Variants in KRT27 observed in about 807,000 individuals in gnomAD.
The protein encoded by KRT27 is keratin, type I cytoskeletal 27.
KRT27 carries 30 observed loss-of-function variants against 45.3 expected under a neutral mutation model. The ratio of observed to expected loss-of-function variants is 0.66; its 90% CI spans 0.50 to 0.90. The LOEUF (loss-of-function observed/expected upper bound fraction) is 0.90. Among genes scored for constraint, KRT27 ranks in the 40% least tolerant of loss-of-function variants. KRT27 has a pLI of 0.00. For missense variants in KRT27, 610 were observed against 564.3 expected, an observed-to-expected ratio of 1.08 and a Z score of -0.82; for synonymous variants, 204 against 223.9, an observed-to-expected ratio of 0.91 and a Z score of 0.79.
intron 2 of KRT27, among the ~76,000 whole-genome samples, 200 bp downstream of exon 2, chr17:40,780,988 C>T (rs929496747): frequency 6.6e-6 from 1 of 152,178 alleles, no homozygotes; most frequent in African/African-American, 2.4e-5. Context: ...GACTTTGACA[C>T]TCGTTTTTGT....
intron 5 of KRT27, among the ~76,000 whole-genome samples, chr17:40,778,499 C>G (rs2038283116): frequency 6.6e-6 from 1 of 152,208 alleles, no homozygotes; most frequent in Non-Finnish European, 1.5e-5. Context: ...CCTTCATACC[C>G]AACTGTGGGA....
chr17:40,776,939 G>A lies in KRT27; in HGVS notation c.*60C>T. The A allele has an allele frequency of 6.7e-7, 1 of 1,496,966 alleles. No homozygotes were observed. Among genetic ancestry groups the A allele is most frequent in the Non-Finnish European group, 9.1e-7 (1 of 1,102,000 alleles). The allele number at this position is 1,496,966 out of a possible 1,614,324, so 92.7% of individuals were successfully genotyped here. ...AGAAAAATAAGGGGACCCTTATTTA[G>A]GAAACTAGCTTCATTTTGGTATTTT... On this transcript the variant is annotated 3_prime_UTR_variant, in exon 8 of 8. Coordinates refer to ENST00000301656, the MANE Select transcript of KRT27 (RefSeq NM_181537.4).
chr17:40,777,044 T>A lies in KRT27; in HGVS notation c.1335A>T (p.Lys445Asn). 1 of 1,613,710 alleles carries A rather than the reference T, an allele frequency of 6.2e-7. No individual in the cohort carries two copies. Among genetic ancestry groups the A allele is most frequent in the South Asian group, 1.1e-5 (1 of 91,056 alleles). ...CATTCTTGTTGTTGACTTTGGTGGATTTCTCTTCCACAGTGTGAACTCTGG... is the reference window on the plus strand; with the variant it reads ...CATTCTTGTTGTTGACTTTGGTGGAATTCTCTTCCACAGTGTGAACTCTGG... ...LSSRVHTVEE[K>N]STKVNNKNEQ... The change falls in exon 8 of 8, where the codon AAA becomes AAT. Residue 445 changes from lysine (K) to asparagine (N), a missense_variant. Transcript: ENST00000301656.
In KRT27 at chr17:40,779,598, G is replaced by C; in HGVS notation, c.876C>G (p.Asp292Glu). The change falls in exon 5 of 8, where the codon GAC (aspartate) becomes GAG (glutamate). Residue 292 changes from aspartate (D) to glutamate (E), a missense_variant. Asp to Glu is a conservative substitution (Grantham distance 45). Transcript: ENST00000301656. Reference protein sequence around the residue: ...KSASLQQQISDDAGATTSARN... With the variant: ...KSASLQQQISEDAGATTSARN... Reference sequence around the variant, plus strand: ...GGGCTGAGGTGGTGGCGCCAGCGTCGTCAGAGATCTGCTGCTGCAGCGAGG... The same window carrying C: ...GGGCTGAGGTGGTGGCGCCAGCGTCCTCAGAGATCTGCTGCTGCAGCGAGG... 1 of 1,614,220 alleles carries C rather than the reference G, an allele frequency of 6.2e-7. No individual in the cohort carries two copies. Among genetic ancestry groups the C allele is most frequent in the African/African-American group, 1.3e-5 (1 of 75,072 alleles).
Position 40,777,652 on chromosome 17 carries a change from C to A in KRT27, c.1053G>T (p.Gly351=). 6.2e-7 allele frequency: 1 copy of A among 1,614,010 alleles called. No homozygotes were observed. Among genetic ancestry groups the A allele is most frequent in the East Asian group, 2.2e-5 (1 of 44,868 alleles). Residue 351 remains glycine (G), a synonymous_variant, in exon 6 of 8, where the codon GGG becomes GGT. Transcript: ENST00000301656. ...CCTGGTGCAGCTGCTCCTCCAGGGC[C>A]CCGATCTGAGCCTGGATCTGTGCCA... ...AQLAQIQAQI[G]ALEEQLHQVR... is the part of the protein sequence containing the mutation.
In KRT27 at chr17:40,779,686, A is replaced by C. The variant is rs1298545279; in HGVS notation, c.846+14T>G. ...GCTGAGTCCGCGCCCGGGCGCACCC[A>C]AGCGTGGTTTTACCTTTTCGTTGAA... On this transcript the variant is annotated intron_variant, in intron 4 of 7. Transcript: ENST00000301656. 6.2e-7 allele frequency: 1 copy of C among 1,613,460 alleles called. No individual in the cohort carries two copies. The highest frequency in any genetic ancestry group is 8.5e-7 in the Non-Finnish European group (1 of 1,179,746).
Position 40,780,286 on chromosome 17 carries a change from G to A in KRT27, c.684+14C>T. On this transcript the variant is annotated intron_variant, in intron 3 of 7. Coordinates refer to ENST00000301656, the MANE Select transcript of KRT27 (RefSeq NM_181537.4). ...GGGAGGCGATTGTGAGAGCCAGCCGGGTGGAGCTTCTACCTCCTCATGATT... is the reference window on the plus strand; with the variant it reads ...GGGAGGCGATTGTGAGAGCCAGCCGAGTGGAGCTTCTACCTCCTCATGATT... The A allele has an allele frequency of 2.5e-6, 4 of 1,586,790 alleles. No homozygotes were observed. The highest frequency in any genetic ancestry group is 3.4e-6 in the Non-Finnish European group (4 of 1,166,366).
In KRT27 at chr17:40,779,830, C is replaced by A; in HGVS notation, c.716G>T (p.Gly239Val). ...EMKALQCAAGGNVNVEMNAAP... is the reference protein window; with the variant it reads ...EMKALQCAAGVNVNVEMNAAP... ...CGCGTTCATCTCCACGTTCACGTTGCCTCCAGCCGCGCACTGAAGAGCTTT... is the reference window on the plus strand; with the variant it reads ...CGCGTTCATCTCCACGTTCACGTTGACTCCAGCCGCGCACTGAAGAGCTTT... The change falls in exon 4 of 8, where the codon GGC (glycine) becomes GTC (valine). Residue 239 changes from glycine to valine, a missense_variant. Transcript: ENST00000301656. The A allele has an allele frequency of 6.2e-7, 1 of 1,613,504 alleles. No individual in the cohort carries two copies. The highest frequency in any genetic ancestry group is 8.5e-7 in the Non-Finnish European group (1 of 1,179,806).
chr17:40,780,003 GCGAT>G (rs760476932), intron 3 of KRT27, 142 bp from the exon 4 acceptor site: 1 of 1,043,958 alleles, frequency 9.6e-7, no homozygotes, highest in Non-Finnish European at 1.3e-6. Context: ...CTGGCCTCAA[GCGAT>G]CCTCCATTCT....
chr17:40,782,016 G>GGAGTGCTAACACTCACGCCATGGCGT, intron 1 of KRT27, 34 bp downstream of exon 1: 3 of 1,560,154 alleles, frequency 1.9e-6, no homozygotes, highest in Non-Finnish European at 8.7e-7. Context: ...AACACTCTCA[G>GGAGTGCTAACACTCACGCCATGGCGT]GAGTGCTAAC....
chr17:40,777,006 G>A lies in KRT27; in HGVS notation c.1373C>T (p.Ser458Phe). The change falls in exon 8 of 8, where the codon TCT becomes TTT. Residue 458 changes from serine to phenylalanine, a missense_variant. By Grantham distance (155) the Ser-to-Phe change is radical (BLOSUM62 -2). Transcript: ENST00000301656. Reference sequence around the variant, plus strand: ...TGTCTCAGAGGCTGGAGTTCAGGAAGACACCCTCTGTTCATTCTTGTTGTT... The same window carrying A: ...TGTCTCAGAGGCTGGAGTTCAGGAAAACACCCTCTGTTCATTCTTGTTGTT... The part of the protein sequence containing the change: ...KVNNKNEQRV[S>F]S 1.2e-6 allele frequency: 2 copies of A among 1,608,880 alleles called. No homozygotes were observed. Among genetic ancestry groups the A allele is most frequent in the East Asian group, 2.2e-5 (1 of 44,718 alleles).
chr17:40,779,938 G>C, intron 3 of KRT27, 77 bp from the exon 4 acceptor site: 1 of 1,471,384 alleles, frequency 6.8e-7, no homozygotes, highest in Non-Finnish European at 9.1e-7. Flanking sequence ...GTCTCGCTCT[G>C]ATGCCTAGGC....
chr17:40,781,520 C>T (rs1443292012), intron 1 of KRT27, among the ~76,000 whole-genome samples: 1 of 152,208 alleles, frequency 6.6e-6, no homozygotes, highest in East Asian at 1.9e-4. Flanking sequence ...ACCTCCACCT[C>T]CCAGATTCAA....
chr17:40,782,217 C>T lies in KRT27; in HGVS notation c.277G>A (p.Asp93Asn), dbSNP rs762368035. ...TTCTCCAGGTAGGAGGCCAAGCGGT[C>T]GTTGAGGTTCTGCATGGTCACCTTC... ...NEKVTMQNLN[D>N]RLASYLENVR... Residue 93 changes from aspartate (D) to asparagine (N), a missense_variant, in exon 1 of 8, where the codon GAC becomes AAC. Transcript: ENST00000301656. The T allele has an allele frequency of 3.4e-5, 55 of 1,614,090 alleles. 1 individual carries two copies. The highest frequency in any genetic ancestry group is 3.3e-4 in the Middle Eastern group (2 of 6,084).
In KRT27 at chr17:40,782,352, C is replaced by T. The variant is rs1190199387; in HGVS notation, c.142G>A (p.Ala48Thr). The T allele has an allele frequency of 6.2e-7, 1 of 1,614,048 alleles. No individual in the cohort carries two copies. The highest frequency in any genetic ancestry group is 8.5e-7 in the Non-Finnish European group (1 of 1,180,032). ...VPGIGSGFSC[A>T]FGGSSSAGGY... ...CCTGCAGATGAGCTGCCCCCAAAAG[C>T]ACAAGAGAAGCCACTTCCAATGCCT... is the stretch of plus-strand genomic sequence containing the variant. Residue 48 changes from alanine to threonine, a missense_variant, in exon 1 of 8, where the codon GCT becomes ACT. By Grantham distance (58) the Ala-to-Thr change is moderately conservative. Transcript: ENST00000301656.
intron 2 of KRT27, among the ~76,000 whole-genome samples, chr17:40,780,706 G>A (rs1431471983): frequency 3.9e-5 from 6 of 152,068 alleles, no homozygotes; most frequent in Non-Finnish European, 8.8e-5. Context: ...AAAATTAGCC[G>A]GGCGCAGTGG....
chr17:40,777,214 A>G lies in KRT27; in HGVS notation c.1240+39T>C, dbSNP rs117204196. The G allele has an allele frequency of 1.9e-4, 313 of 1,611,062 alleles. 2 individuals are homozygous for G. In the East Asian group the frequency reaches 7.0e-3, roughly 36 times the overall value. Reference sequence around the variant, plus strand: ...AAATAAAACATCATTTGAAACACATACAAATAAACACTGAATGCCTAACAC... The same window carrying G: ...AAATAAAACATCATTTGAAACACATGCAAATAAACACTGAATGCCTAACAC... On this transcript the variant is annotated intron_variant, in intron 7 of 7. Coordinates refer to ENST00000301656, the MANE Select transcript of KRT27 (RefSeq NM_181537.4).
At chr17:40,781,424 G>GTCTC (rs34748691) in intron 1 of KRT27, among the ~76,000 whole-genome samples, 154 bp from the exon 2 acceptor site, 5 of 151,774 alleles carry the variant, frequency 3.3e-5, no homozygotes, top group Non-Finnish European at 5.9e-5. Context: ...TTTAAGTATG[G>GTCTC]TCTCTCTCTC....
chr17:40,781,611 G>A (rs1433960536), intron 1 of KRT27, among the ~76,000 whole-genome samples: 1 of 152,154 alleles, frequency 6.6e-6, no homozygotes, highest in Admixed American at 6.5e-5. Context: ...TGTAGTTTTA[G>A]TAGAAACAGG....
Sources: gnomAD v4.1 joint callset for allele counts (sites outside exome capture counted in the v4.1 genomes callset) on GRCh38, gnomAD v4.1.1 for gene constraint, MANE v1.5 for transcripts, NCBI Gene and HGNC (gene_info 2026-07-23, HGNC 2026-07-21) for gene names.